Variants in ZNF546 observed in about 807,000 individuals in gnomAD.
ZNF546 encodes CTC-471F3.6.
ZNF546 carries 60 observed loss-of-function variants against 76.2 expected under a neutral mutation model. That is an observed-to-expected ratio of 0.79 (90% CI 0.64 to 0.98). The LOEUF is 0.98. Ranked by LOEUF, ZNF546 falls within the 50% of genes least tolerant of loss-of-function variation. ZNF546 has a pLI of 0.00. For missense variants in ZNF546, 936 were observed against 1,035.6 expected (o/e 0.90, Z 1.32); for synonymous variants, 277 against 328.1 (o/e 0.84, Z 1.68).
chr19:40,013,893 C>T lies in ZNF546; in HGVS notation c.623C>T (p.Pro208Leu). 6.2e-7 allele frequency: 1 copy of T among 1,606,784 alleles called. No homozygotes were observed. The highest frequency in any genetic ancestry group is 8.5e-7 in the Non-Finnish European group (1 of 1,176,154). Reference sequence around the variant, plus strand: ...AAACAAATATCTCATCCTCTACATCCAAAAATTCATGCTAGAGAGAAATCA... The same window carrying T: ...AAACAAATATCTCATCCTCTACATCTAAAAATTCATGCTAGAGAGAAATCA... ...IQKQISHPLH[P>L]KIHAREKSYE... Residue 208 changes from proline to leucine, a missense_variant, in exon 7 of 7, where the codon CCA becomes CTA. By Grantham distance (98) the Pro-to-Leu change is moderately conservative. Transcript: ENST00000347077.
chr19:40,010,113 G>A (rs182427468), intron 6 of ZNF546, among the ~76,000 whole-genome samples: 305 of 152,246 alleles, frequency 2.0e-3, no homozygotes, highest in African/African-American at 7.1e-3. Flanking sequence ...TTTGAAAGTG[G>A]TTGTATCAGC....
chr19:40,008,853 AG>A (rs1229758523), intron 6 of ZNF546, among the ~76,000 whole-genome samples: 2 of 152,152 alleles, frequency 1.3e-5, no homozygotes, highest in Admixed American at 6.5e-5. Flanking sequence ...GTGTGTTTCC[AG>A]GCCTCCTTTA....
At chr19:40,004,368 A>G (rs189123212) in intron 3 of ZNF546, among the ~76,000 whole-genome samples, 1 of 152,050 alleles carries the variant, frequency 6.6e-6, no homozygotes, top group East Asian at 1.9e-4. Context: ...CCTGGGTTCA[A>G]GTGATTCTCC....
chr19:40,004,025 TATATAA>T (rs1198310486), intron 3 of ZNF546, among the ~76,000 whole-genome samples: 7 of 143,346 alleles, frequency 4.9e-5, no homozygotes, highest in African/African-American at 1.8e-4. Context: ...AAAATATATA[TATATAA>T]ATATATAAAT....
chr19:40,014,748 G>A lies in ZNF546; in HGVS notation c.1478G>A (p.Gly493Asp). The A allele has an allele frequency of 6.2e-7, 1 of 1,613,662 alleles. No individual in the cohort carries two copies. The highest frequency in any genetic ancestry group is 1.1e-5 in the South Asian group (1 of 91,064). ...QLTLHLRTHT[G>D]EIPYECKECG... ...ACTTTACATCTGAGAACTCACACCG[G>A]TGAGATTCCCTATGAATGTAAGGAA... The change falls in exon 7 of 7, where the codon GGT (glycine) becomes GAT (aspartate). Residue 493 changes from glycine to aspartate, a missense_variant. Physicochemically the swap from Gly to Asp is moderately conservative, Grantham distance 94. Transcript: ENST00000347077.
rs900163769 is a variant in ZNF546, at chr19:40,004,674, C to T, written c.85-1422C>T. ...GATATATACATTTTTAAACTTTTTTCTCTCTCTCAGTTTCTGCCTGTCCTT... is the reference window on the plus strand; with the variant it reads ...GATATATACATTTTTAAACTTTTTTTTCTCTCTCAGTTTCTGCCTGTCCTT... On this transcript the variant is annotated intron_variant, in intron 3 of 6. Transcript: ENST00000347077. 6.0e-5 allele frequency among the ~76,000 whole-genome samples: 9 copies of T among 150,080 alleles called. No homozygotes were observed. The East Asian group carries it at 1.5e-3, about 26-fold the overall frequency.
rs1188423601 is a variant in ZNF546 at position 40,019,554 on chromosome 19, A to T, written c.*3773A>T. On this transcript the variant is annotated 3_prime_UTR_variant, in exon 7 of 7. Coordinates refer to ENST00000347077, the MANE Select transcript of ZNF546 (RefSeq NM_178544.5). ...GTGAATGAGAATTGGATGTAAGTAC[A>T]GATGGAGGAGATATTTTTTGTTTTA... The T allele has an allele frequency of 1.3e-5, 2 of 152,260 alleles. No homozygotes were observed. The highest frequency in any genetic ancestry group is 1.5e-5 in the Non-Finnish European group (1 of 68,042). 9.4% of individuals were successfully genotyped at this position (152,260 alleles called of 1,614,324 possible).
rs373425165 is a variant in ZNF546 at position 40,013,934 on chromosome 19, T to C, written c.664T>C (p.Cys222Arg). The change falls in exon 7 of 7, where the codon TGT becomes CGT. Residue 222 changes from cysteine (C) to arginine (R), a missense_variant. Coordinates refer to ENST00000347077, the MANE Select transcript of ZNF546 (RefSeq NM_178544.5). ...AREKSYECKECRKAFRQQSYL... is the reference protein window; with the variant it reads ...AREKSYECKERRKAFRQQSYL... Reference sequence around the variant, plus strand: ...AGAGAAATCATATGAATGTAAGGAATGTAGAAAGGCCTTTAGACAACAGTC... The same window carrying C: ...AGAGAAATCATATGAATGTAAGGAACGTAGAAAGGCCTTTAGACAACAGTC... 5.0e-6 allele frequency: 8 copies of C among 1,610,784 alleles called. No individual in the cohort carries two copies. Among genetic ancestry groups the C allele is most frequent in the African/African-American group, 4.0e-5 (3 of 74,722 alleles).
intron 6 of ZNF546, among the ~76,000 whole-genome samples, chr19:40,011,847 C>A (rs2144647969): frequency 6.6e-6 from 1 of 152,290 alleles, no homozygotes; most frequent in Non-Finnish European, 1.5e-5. Context: ...CTTCATGGCA[C>A]CCTCTCTTGA....
intron 6 of ZNF546, among the ~76,000 whole-genome samples, chr19:40,010,448 T>A (rs951073250): frequency 3.3e-5 from 5 of 152,088 alleles, no homozygotes; most frequent in Non-Finnish European, 5.9e-5. Context: ...CTTTTTACTT[T>A]CCCAGCAGAA....
In ZNF546 at chr19:40,018,076, C is replaced by T. The variant is rs1156334735; in HGVS notation, c.*2295C>T. ...GCAAGCTCCGCCTCCCGGGTTCAGG[C>T]AATTCTGCCTCAGCCTCCCCAGTAG... is the stretch of plus-strand genomic sequence containing the variant. On this transcript the variant is annotated 3_prime_UTR_variant, in exon 7 of 7. Coordinates refer to ENST00000347077, the MANE Select transcript of ZNF546 (RefSeq NM_178544.5). 1 of 145,268 alleles carries T rather than the reference C, an allele frequency of 6.9e-6. No homozygotes were observed. Among genetic ancestry groups the T allele is most frequent in the Non-Finnish European group, 1.5e-5 (1 of 67,338 alleles). 9.0% of individuals were successfully genotyped at this position (145,268 alleles called of 1,614,324 possible).
chr19:40,000,744 G>A (rs1281248642), intron 3 of ZNF546, among the ~76,000 whole-genome samples: 2 of 151,708 alleles, frequency 1.3e-5, no homozygotes, highest in East Asian at 1.9e-4. Context: ...ATTATCTATT[G>A]AATGCCTTAT....
In ZNF546 at chr19:40,019,657, A is replaced by G. The variant is rs1285037027; in HGVS notation, c.*3876A>G. The G allele has an allele frequency of 6.6e-6, 1 of 152,228 alleles. No individual in the cohort carries two copies. The highest frequency in any genetic ancestry group is 1.5e-5 in the Non-Finnish European group (1 of 68,034). The allele number at this position is 152,228 out of a possible 1,614,324, so 9.4% of individuals were successfully genotyped here. A position where few individuals can be genotyped will look rare whatever the true frequency, so the allele number is the denominator to read the frequency against. On this transcript the variant is annotated 3_prime_UTR_variant, in exon 7 of 7. Coordinates refer to ENST00000347077, the MANE Select transcript of ZNF546 (RefSeq NM_178544.5). Reference sequence around the variant, plus strand: ...CTGATATTATAATCCTGATAATACAACAGATGAGGATAGTTCTTAAAAGGC... The same window carrying G: ...CTGATATTATAATCCTGATAATACAGCAGATGAGGATAGTTCTTAAAAGGC...
intron 3 of ZNF546, 119 bp from the exon 4 acceptor site, chr19:40,005,977 A>C: frequency 3.5e-6 from 3 of 846,280 alleles, no homozygotes; most frequent in Non-Finnish European, 5.9e-6. Flanking sequence ...CCCAGTTTAT[A>C]TGCGCAGAAT....
In ZNF546 at chr19:39,998,751, T is replaced by C. The variant is rs118080886; in HGVS notation, c.84+341T>C. On this transcript the variant is annotated intron_variant, in intron 3 of 6. Coordinates refer to ENST00000347077, the MANE Select transcript of ZNF546 (RefSeq NM_178544.5). Reference sequence around the variant, plus strand: ...GTACATATGAGTAAAGTAATAGTCATAGTGATGAAGAATAATACGCAATTT... The same window carrying C: ...GTACATATGAGTAAAGTAATAGTCACAGTGATGAAGAATAATACGCAATTT... Among the ~76,000 whole-genome samples, 1,013 of 152,260 alleles carry C rather than the reference T, an allele frequency of 6.7e-3. 5 individuals are homozygous for C. Among genetic ancestry groups the C allele is most frequent in the Non-Finnish European group, 0.012 (792 of 68,014 alleles).
chr19:40,010,930 T>C (rs1331474031), intron 6 of ZNF546, among the ~76,000 whole-genome samples: 1 of 152,074 alleles, frequency 6.6e-6, no homozygotes, highest in Non-Finnish European at 1.5e-5. Context: ...TCCACCTGCC[T>C]CAGCCTCCCA....
intron 4 of ZNF546, among the ~76,000 whole-genome samples, chr19:40,006,574 T>G (rs1157581216): frequency 6.6e-6 from 1 of 152,190 alleles, no homozygotes; most frequent in Non-Finnish European, 1.5e-5. Flanking sequence ...TGGTCTCCAG[T>G]GACATCAGTG....
rs1203286139 is a variant in ZNF546, at chr19:40,016,448, T to C, written c.*667T>C. 1 of 152,358 alleles carries C rather than the reference T, an allele frequency of 6.6e-6. No individual in the cohort carries two copies. The highest frequency in any genetic ancestry group is 1.5e-5 in the Non-Finnish European group (1 of 68,280). The allele number at this position is 152,358 out of a possible 1,614,324, so 9.4% of individuals were successfully genotyped here. A position where few individuals can be genotyped will look rare whatever the true frequency, so the allele number is the denominator to read the frequency against. ...GGCAGGAAAATTGCATGAACCTAAG[T>C]GGCAGAGGTTGCAGTGAGCTGAGAT... is the stretch of plus-strand genomic sequence containing the variant. On this transcript the variant is annotated 3_prime_UTR_variant, in exon 7 of 7. Coordinates refer to ENST00000347077, the MANE Select transcript of ZNF546 (RefSeq NM_178544.5).
chr19:40,004,655 T>C (rs1971580186), intron 3 of ZNF546, among the ~76,000 whole-genome samples: 1 of 152,244 alleles, frequency 6.6e-6, no homozygotes, highest in African/African-American at 2.4e-5. Context: ...TATAGATATA[T>C]ACATTTTTAA....
Sources: gnomAD v4.1 joint callset for allele counts (sites outside exome capture counted in the v4.1 genomes callset) on GRCh38, gnomAD v4.1.1 for gene constraint, MANE v1.5 for transcripts, NCBI Gene and HGNC (gene_info 2026-07-23, HGNC 2026-07-21) for gene names.